Variants in GPC5 observed in about 807,000 individuals in gnomAD.
GPC5 encodes the protein glypican-5.
Under a neutral mutation model 53.9 loss-of-function variants are expected in GPC5, and 47 were observed. The ratio of observed to expected loss-of-function variants is 0.87; its 90% confidence interval spans 0.69 to 1.11. The LOEUF is 1.11. GPC5 is among the 50% of genes most tolerant of loss of function. GPC5 has a pLI of 0.00. For missense variants in GPC5, 748 were observed against 713.1 expected (o/e 1.05, Z -0.56); for synonymous variants, 286 against 263.3 (o/e 1.09, Z -0.84).
Position 91,606,753 on chromosome 13 carries a change from G to A in GPC5, c.326-86434G>A, listed in dbSNP as rs573528317. Among the ~76,000 whole-genome samples, 12 of 152,136 alleles carry A rather than the reference G, an allele frequency of 7.9e-5. No individual in the cohort carries two copies. In the East Asian group the frequency reaches 1.7e-3, roughly 22 times the overall value. On this transcript the variant is annotated intron_variant, in intron 2 of 7. Coordinates refer to ENST00000377067, the MANE Select transcript of GPC5 (RefSeq NM_004466.6). The stretch of plus-strand genomic sequence containing the variant: ...CTAGTTTATTTGCGTAGAGGTGTTT[G>A]TAGTATTCCCTGATGGCAGTTTGTA...
chr13:91,750,566 A>G (rs2037149800), intron 4 of GPC5, among the ~76,000 whole-genome samples: 1 of 152,212 alleles, frequency 6.6e-6, no homozygotes, highest in Non-Finnish European at 1.5e-5. Context: ...TATTTCACGT[A>G]AAACTGGAAA....
At chr13:92,364,516 G>T (rs1274782192) in intron 7 of GPC5, among the ~76,000 whole-genome samples, 2 of 151,682 alleles carry the variant, frequency 1.3e-5, no homozygotes, top group Non-Finnish European at 2.9e-5. Context: ...GGATCACGAG[G>T]TCAGGAGATA....
At chr13:91,698,111 C>T (rs2035920886) in intron 3 of GPC5, among the ~76,000 whole-genome samples, 1 of 152,020 alleles carries the variant, frequency 6.6e-6, no homozygotes, top group Non-Finnish European at 1.5e-5. Context: ...CCATGTTGGC[C>T]AGGTTGGTCT....
At chr13:91,756,197 A>G (rs2037287642) in intron 4 of GPC5, 98 bp from the exon 5 acceptor site, 17 of 853,540 alleles carry the variant, frequency 2.0e-5, no homozygotes, top group Non-Finnish European at 2.8e-5. Context: ...CAATATAAAA[A>G]TTATATCCTA....
At chr13:92,112,093 G>A (rs2041561789) in intron 6 of GPC5, among the ~76,000 whole-genome samples, 1 of 152,152 alleles carries the variant, frequency 6.6e-6, no homozygotes, top group Non-Finnish European at 1.5e-5. Flanking sequence ...AGAAAAATAA[G>A]TTAGTGTTAC....
At chr13:91,886,066 T>A (rs1228239817) in intron 5 of GPC5, among the ~76,000 whole-genome samples, 1 of 152,154 alleles carries the variant, frequency 6.6e-6, no homozygotes, top group Non-Finnish European at 1.5e-5. Flanking sequence ...ATTTTCATAC[T>A]GCTATAAAGA....
intron 7 of GPC5, among the ~76,000 whole-genome samples, chr13:92,560,857 A>ATGTGTG (rs34114433): frequency 0.13 from 17,409 of 138,998 alleles, 1,121 homozygotes; most frequent in East Asian, 0.22. Flanking sequence ...AGAAAATTAT[A>ATGTGTG]TGTGTGTGTG....
At chr13:92,524,029 G>T (rs1262175635) in intron 7 of GPC5, among the ~76,000 whole-genome samples, 3 of 152,058 alleles carry the variant, frequency 2.0e-5, no homozygotes, top group African/African-American at 7.2e-5. Context: ...GCTGCCTACT[G>T]ATCAGAGTGG....
chr13:92,292,088 A>C (rs1318703400), intron 7 of GPC5, among the ~76,000 whole-genome samples: 1 of 152,206 alleles, frequency 6.6e-6, no homozygotes. Context: ...TTGTTGATTG[A>C]TGGGCATTTG....
At chr13:91,832,896 G>A (rs1258310153) in intron 5 of GPC5, among the ~76,000 whole-genome samples, 1 of 152,002 alleles carries the variant, frequency 6.6e-6, no homozygotes, top group Non-Finnish European at 1.5e-5. Context: ...TAAGATCAGA[G>A]CAGAACTGAA....
chr13:92,845,363 T>C (rs762217922), intron 7 of GPC5, among the ~76,000 whole-genome samples: 3 of 152,094 alleles, frequency 2.0e-5, no homozygotes, highest in Admixed American at 6.6e-5. Flanking sequence ...CATGGTGTTA[T>C]CTCTAGCCTG....
intron 7 of GPC5, among the ~76,000 whole-genome samples, chr13:92,347,656 T>A (rs1310676343): frequency 6.7e-6 from 1 of 149,894 alleles, no homozygotes; most frequent in Non-Finnish European, 1.5e-5. Flanking sequence ...ACTGTAATGA[T>A]CACAGGTAAT....
intron 2 of GPC5, among the ~76,000 whole-genome samples, chr13:91,545,878 A>G (rs954548463): frequency 1.3e-5 from 2 of 152,206 alleles, no homozygotes; most frequent in East Asian, 1.9e-4. Flanking sequence ...TATTTTTCCT[A>G]TATGTTCAAT....
At chr13:91,965,771 CTTGAGCTG>C (rs1380261169) in intron 6 of GPC5, among the ~76,000 whole-genome samples, 1 of 152,168 alleles carries the variant, frequency 6.6e-6, no homozygotes, top group Non-Finnish European at 1.5e-5. Context: ...TACATCCGTG[CTTGAGCTG>C]TTGCCATTGT....
intron 7 of GPC5, among the ~76,000 whole-genome samples, chr13:92,820,458 C>T (rs1319772835): frequency 6.6e-6 from 1 of 152,104 alleles, no homozygotes; most frequent in African/African-American, 2.4e-5. Context: ...AAACCCCATT[C>T]TTCATTCCTC....
At chr13:92,552,764 A>C (rs1400429797) in intron 7 of GPC5, among the ~76,000 whole-genome samples, 1 of 151,918 alleles carries the variant, frequency 6.6e-6, no homozygotes, top group African/African-American at 2.4e-5. Context: ...TTTTTAAATA[A>C]TTTAACCTGT....
chr13:92,621,502 G>A (rs1884867088), intron 7 of GPC5, among the ~76,000 whole-genome samples: 1 of 152,140 alleles, frequency 6.6e-6, no homozygotes, highest in South Asian at 2.1e-4. Context: ...GACTTCTGGA[G>A]ATACTGAAGC....
intron 7 of GPC5, among the ~76,000 whole-genome samples, chr13:92,262,011 T>C (rs560088564): frequency 1.3e-5 from 2 of 152,296 alleles, no homozygotes; most frequent in South Asian, 4.1e-4. Context: ...GTCCAGTATT[T>C]GTAGTCAGGC....
chr13:92,586,500 G>A (rs1205158603), intron 7 of GPC5, among the ~76,000 whole-genome samples: 1 of 152,214 alleles, frequency 6.6e-6, no homozygotes, highest in African/African-American at 2.4e-5. Flanking sequence ...GGGTTGTCCT[G>A]ATGAAATTTT....
Sources: gnomAD v4.1 joint callset for allele counts (sites outside exome capture counted in the v4.1 genomes callset) on GRCh38, gnomAD v4.1.1 for gene constraint, MANE v1.5 for transcripts, NCBI Gene and HGNC (gene_info 2026-07-23, HGNC 2026-07-21) for gene names.